Variants in CDH24 observed in about 807,000 individuals in gnomAD.
CDH24 encodes the protein cadherin 24, also known as cadherin-24.
A neutral mutation model predicts 71.2 loss-of-function variants in CDH24; 61 were observed. The ratio of observed to expected loss-of-function variants is 0.86; its 90% confidence interval spans 0.70 to 1.06. CDH24 has a LOEUF of 1.06. Ranked by LOEUF, CDH24 falls within the 50% of genes least tolerant of loss-of-function variation. The pLI is 0.00. For synonymous variants in CDH24, 440 were observed against 470.2 expected (o/e 0.94, Z 0.83); for missense variants, 961 against 1,083.7 (o/e 0.89, Z 1.59).
At position 23,053,636 on chromosome 14, in the gene CDH24, A is replaced by G. The variant is rs767525829; in HGVS notation, c.1086T>C (p.Arg362=). ...GCTCTGGGGCATCTTGCACTGCCAC[A>G]CGCACAGAGGCCACATCCTTGAAGG... ...RGPFKDVASV[R]VAVQDAPEPP... Residue 362 remains arginine (R), a synonymous_variant, in exon 7 of 13, where the codon CGT becomes CGC. Transcript: ENST00000487137. 1.2e-6 allele frequency: 2 copies of G among 1,613,930 alleles called. No homozygotes were observed. Among genetic ancestry groups the G allele is most frequent in the South Asian group, 2.2e-5 (2 of 91,088 alleles).
rs372804850 is a variant in CDH24 at position 23,055,657 on chromosome 14, C to G, written c.77G>C (p.Arg26Pro). 2 of 1,609,066 alleles carry G rather than the reference C, an allele frequency of 1.2e-6. No individual in the cohort carries two copies. ...GCMGRLAAPA[R>P]AWAGSREHPG... ...GTGTTCCCGGGACCCTGCCCAGGCC[C>G]GGGCTGGGGCTGCCAGACGCCCCAT... The change falls in exon 2 of 13, where the codon CGG becomes CCG. Residue 26 changes from arginine (R) to proline (P), a missense_variant. Transcript: ENST00000487137. The surrounding 1 kb of genome is among the most constrained non-coding windows in gnomAD (Gnocchi z 4.1).
In CDH24 at chr14:23,051,840, G is replaced by A. The variant is rs904116674; in HGVS notation, c.1363+633C>T. ...AGGGACTATTCACAGAAGATCGGGA[G>A]GGAGGTCTCCCTGTCTGTATGGGCT... On this transcript the variant is annotated intron_variant, in intron 8 of 12. Transcript: ENST00000487137. This position sits in a 1 kb window ranked among gnomAD's most constrained non-coding sequence, Gnocchi z 4.4. 1.8e-6 allele frequency: 1 copy of A among 567,968 alleles called. No homozygotes were observed. Among genetic ancestry groups the A allele is most frequent in the South Asian group, 2.4e-5 (1 of 41,944 alleles). 35.2% of individuals were successfully genotyped at this position (567,968 alleles called of 1,614,324 possible).
At position 23,054,612 on chromosome 14, in the gene CDH24, C is replaced by T; in HGVS notation, c.678G>A (p.Val226=). The T allele has an allele frequency of 1.2e-6, 2 of 1,614,116 alleles. No homozygotes were observed. Among genetic ancestry groups the T allele is most frequent in the Non-Finnish European group, 1.7e-6 (2 of 1,179,992 alleles). ...DRETQEEFLV[V]IQAKDMGGHM... is the part of the protein sequence containing the mutation. ...GGCCGCCCATGTCCTTGGCCTGGAT[C>T]ACCACCAAGAACTCCTCCTGTGTCT... The change falls in exon 5 of 13, where the codon GTG becomes GTA. Residue 226 remains valine, a synonymous_variant. Coordinates refer to ENST00000487137, the MANE Select transcript of CDH24 (RefSeq NM_144985.4). This position sits in a 1 kb window ranked among gnomAD's most constrained non-coding sequence, Gnocchi z 5.2.
At position 23,054,543 on chromosome 14, in the gene CDH24, G is replaced by A. The variant is rs778422945; in HGVS notation, c.747C>T (p.Leu249=). 1.9e-6 allele frequency: 3 copies of A among 1,613,878 alleles called. No individual in the cohort carries two copies. Among genetic ancestry groups the A allele is most frequent in the Admixed American group, 1.7e-5 (1 of 59,986 alleles). ...TGGGGGGGTTGTCGTTGACATCGCTGAGCGTGACAGTCACCGTAGTGCTGC... is the reference window on the plus strand; with the variant it reads ...TGGGGGGGTTGTCGTTGACATCGCTAAGCGTGACAGTCACCGTAGTGCTGC... ...LSGSTTVTVT[L]SDVNDNPPKF... is the part of the protein sequence containing the mutation. The change falls in exon 5 of 13, where the codon CTC becomes CTT. Residue 249 remains leucine, a synonymous_variant. Coordinates refer to ENST00000487137, the MANE Select transcript of CDH24 (RefSeq NM_144985.4). The surrounding 1 kb of genome is among the most constrained non-coding windows in gnomAD (Gnocchi z 5.2).
rs757091583 is a variant in CDH24, at chr14:23,048,494, C to T, written c.1847-15G>A. The stretch of plus-strand genomic sequence containing the variant: ...CACCACCAGGGCTGCGCGAGAGGCG[C>T]GCACACAGGCCCTGAGCCAGCAGGG... On this transcript the variant is annotated splice_polypyrimidine_tract_variant and intron_variant, in intron 11 of 12. Transcript: ENST00000487137. 3.1e-6 allele frequency: 5 copies of T among 1,600,518 alleles called. No individual in the cohort carries two copies. The highest frequency in any genetic ancestry group is 1.3e-5 in the African/African-American group (1 of 74,810).
At position 23,055,260 on chromosome 14, in the gene CDH24, C is replaced by T. The variant is rs755077058; in HGVS notation, c.295G>A (p.Gly99Ser). The change falls in exon 3 of 13, where the codon GGC (glycine) becomes AGC (serine). Residue 99 changes from glycine to serine, a missense_variant. By Grantham distance (56) the Gly-to-Ser change is moderately conservative. Transcript: ENST00000487137. This position sits in a 1 kb window ranked among gnomAD's most constrained non-coding sequence, Gnocchi z 4.1. Reference sequence around the variant, plus strand: ...AGGCTCTTGGTAACATGAATATTGCCTGTGGCCTCATCAATCACAAATACG... The same window carrying T: ...AGGCTCTTGGTAACATGAATATTGCTTGTGGCCTCATCAATCACAAATACG... ...GTVFVIDEAT[G>S]NIHVTKSLDR... The T allele has an allele frequency of 6.2e-7, 1 of 1,613,992 alleles. No individual in the cohort carries two copies. Among genetic ancestry groups the T allele is most frequent in the African/African-American group, 1.3e-5 (1 of 74,908 alleles).
intron 8 of CDH24, chr14:23,050,243 A>C: frequency 3.6e-6 from 1 of 281,522 alleles, no homozygotes; most frequent in Non-Finnish European, 6.7e-6. Context: ...TGCAGCATAA[A>C]TGAAAGACAG....
At chr14:23,056,398 C>T (rs1435721296) in intron 1 of CDH24, among the ~76,000 whole-genome samples, 1 of 152,104 alleles carries the variant, frequency 6.6e-6, no homozygotes, top group African/African-American at 2.4e-5. Context: ...GGACTGGGCT[C>T]GTGAGACAGG....
At chr14:23,048,506 C>G in intron 11 of CDH24, 27 bp from the exon 12 acceptor site, 1 of 1,596,788 alleles carries the variant, frequency 6.3e-7, no homozygotes, top group Non-Finnish European at 8.5e-7. Context: ...CACACAGGCC[C>G]TGAGCCAGCA....
chr14:23,053,357 C>A, intron 7 of CDH24, 139 bp downstream of exon 7: 4 of 1,075,794 alleles, frequency 3.7e-6, no homozygotes, highest in South Asian at 1.8e-5. Flanking sequence ...GGCCTGCAGA[C>A]CAGCAAGCCC....
In CDH24 at chr14:23,047,958, TG is replaced by T. The variant is rs1448886489; in HGVS notation, c.*21del. 1.6e-6 allele frequency: 2 copies of T among 1,281,274 alleles called. No homozygotes were observed. The highest frequency in any genetic ancestry group is 2.0e-6 in the Non-Finnish European group (2 of 1,015,924). The allele number at this position is 1,281,274 out of a possible 1,614,324, so 79.4% of individuals were successfully genotyped here. A position where few individuals can be genotyped will look rare whatever the true frequency, so the allele number is the denominator to read the frequency against. ...TGTGCCCGCTGCCCCCCCCCCGCGG[TG>T]GGCCGGGCCAGCCCGGGCGCTCAGG... On this transcript the variant is annotated 3_prime_UTR_variant, in exon 12 of 13. Coordinates refer to ENST00000487137, the MANE Select transcript of CDH24 (RefSeq NM_144985.4).
At position 23,048,032 on chromosome 14, in the gene CDH24, A is replaced by C. The variant is rs770214697; in HGVS notation, c.2294T>G (p.Leu765Arg). The change falls in exon 12 of 13, where the codon CTC becomes CGC. Residue 765 changes from leucine to arginine, a missense_variant. Leu to Arg is a moderately radical substitution (Grantham distance 102). Transcript: ENST00000487137. Reference protein sequence around the residue: ...PAEPLDDWGPLFRTLAELYGA... With the variant: ...PAEPLDDWGPRFRTLAELYGA... Reference sequence around the variant, plus strand: ...ATACAGCTCGGCCAGGGTGCGGAAGAGCGGACCCCAGTCGTCCAGCGGCTC... The same window carrying C: ...ATACAGCTCGGCCAGGGTGCGGAAGCGCGGACCCCAGTCGTCCAGCGGCTC... 1.4e-6 allele frequency: 2 copies of C among 1,447,994 alleles called. No individual in the cohort carries two copies. Among genetic ancestry groups the C allele is most frequent in the South Asian group, 2.6e-5 (2 of 76,074 alleles). The allele number at this position is 1,447,994 out of a possible 1,614,324, so 89.7% of individuals were successfully genotyped here. A position where few individuals can be genotyped will look rare whatever the true frequency, so the allele number is the denominator to read the frequency against.
In CDH24 at chr14:23,055,901, C is replaced by G. The variant is rs1164849149; in HGVS notation, c.-124-44G>C. On this transcript the variant is annotated intron_variant, in intron 1 of 12. Coordinates refer to ENST00000487137, the MANE Select transcript of CDH24 (RefSeq NM_144985.4). The surrounding 1 kb of genome is among the most constrained non-coding windows in gnomAD (Gnocchi z 4.1). ...CTCAGGCTCAAGGAAACCCCTAGCC[C>G]TCCTCCCCCGCAAAATTAGATGCTG... is the stretch of plus-strand genomic sequence containing the variant. 17 of 600,886 alleles carry G rather than the reference C, an allele frequency of 2.8e-5. No homozygotes were observed. The highest frequency in any genetic ancestry group is 4.6e-5 in the Non-Finnish European group (16 of 344,868). 37.2% of individuals were successfully genotyped at this position (600,886 alleles called of 1,614,324 possible).
In CDH24 at chr14:23,055,777, G is replaced by A; in HGVS notation, c.-44C>T. The A allele has an allele frequency of 2.0e-6, 3 of 1,483,214 alleles. No homozygotes were observed. Among genetic ancestry groups the A allele is most frequent in the African/African-American group, 2.8e-5 (2 of 70,582 alleles). 91.9% of individuals were successfully genotyped at this position (1,483,214 alleles called of 1,614,324 possible). ...GCTCTGTTCACTGGCCCTGGGTGCT[G>A]AGGCTGGGCCAGGCCACGTGGCCCA... On this transcript the variant is annotated 5_prime_UTR_variant, in exon 2 of 13. Coordinates refer to ENST00000487137, the MANE Select transcript of CDH24 (RefSeq NM_144985.4). This position sits in a 1 kb window ranked among gnomAD's most constrained non-coding sequence, Gnocchi z 4.1.
chr14:23,052,722 G>T, intron 7 of CDH24, 113 bp from the exon 8 acceptor site: 1 of 1,088,772 alleles, frequency 9.2e-7, no homozygotes, highest in Non-Finnish European at 1.4e-6. Context: ...GACTCCTCTG[G>T]GTAGAGCCAT....
Position 23,048,369 on chromosome 14 carries a change from C to T in CDH24, c.1957G>A (p.Gly653Ser), listed in dbSNP as rs1340756419. The T allele has an allele frequency of 6.2e-7, 1 of 1,612,308 alleles. No homozygotes were observed. The highest frequency in any genetic ancestry group is 8.5e-7 in the Non-Finnish European group (1 of 1,179,558). Residue 653 changes from glycine (G) to serine (S), a missense_variant, in exon 12 of 13, where the codon GGC becomes AGC. Physicochemically the swap from Gly to Ser is moderately conservative, Grantham distance 56. Transcript: ENST00000487137. ...TCGAAGGCCTCGGTGTCCTCCTCGC[C>T]GCCGCCCTCGTCGTCGTAGGTGATG... ...NIITYDDEGG[G>S]EEDTEAFDIT...
chr14:23,055,090 G>A lies in CDH24; in HGVS notation c.465C>T (p.Tyr155=). The change falls in exon 3 of 13, where the codon TAC becomes TAT. Residue 155 remains tyrosine (Y), a synonymous_variant. Coordinates refer to ENST00000487137, the MANE Select transcript of CDH24 (RefSeq NM_144985.4). The surrounding 1 kb of genome is among the most constrained non-coding windows in gnomAD (Gnocchi z 4.1). The part of the protein sequence containing the change: ...DNPPIFPLGP[Y]HATVPEMSNV... ...TGGACATCTCGGGCACGGTGGCATG[G>A]TAGGGCCCAAGGGGAAAAATGGGTG... is the stretch of plus-strand genomic sequence containing the variant. 1.2e-6 allele frequency: 2 copies of A among 1,612,982 alleles called. No individual in the cohort carries two copies. The highest frequency in any genetic ancestry group is 1.7e-6 in the Non-Finnish European group (2 of 1,179,086).
chr14:23,047,989 CG>C lies in CDH24; in HGVS notation c.2336del (p.Pro779ArgfsTer24). The C allele has an allele frequency of 2.1e-5, 28 of 1,363,438 alleles. No homozygotes were observed. The highest frequency in any genetic ancestry group is 2.7e-4 in the Middle Eastern group (1 of 3,638). The allele number at this position is 1,363,438 out of a possible 1,614,324, so 84.5% of individuals were successfully genotyped here. On this transcript the variant is annotated frameshift_variant, in exon 12 of 13. Transcript: ENST00000487137. LOFTEE classifies it high-confidence loss of function. ...LAELYGAKEP[P>X]AP ...GGGCCAGCCCGGGCGCTCAGGGGGC[CG>C]GGGGCTCCTTGGCCCCATACAGCTC...
intron 6 of CDH24, 128 bp from the exon 7 acceptor site, chr14:23,053,877 C>A (rs1439337936): frequency 1.0e-6 from 1 of 1,004,490 alleles, no homozygotes; most frequent in East Asian, 2.6e-5. Context: ...GGAGAGGTGG[C>A]ACTGGAGGGA....
Sources: gnomAD v4.1 joint callset for allele counts (sites outside exome capture counted in the v4.1 genomes callset) on GRCh38, gnomAD v4.1.1 for gene constraint, Gnocchi (gnomAD v3.1) non-coding constraint, MANE v1.5 for transcripts, NCBI Gene and HGNC (gene_info 2026-07-23, HGNC 2026-07-21) for gene names.